Variants in TSNARE1 observed in about 807,000 individuals in gnomAD.
TSNARE1 encodes t-SNARE domain-containing protein 1.
Under a neutral mutation model 62.0 loss-of-function variants are expected in TSNARE1, and 49 were observed. The ratio of observed to expected loss-of-function variants is 0.79; its 90% CI spans 0.63 to 1.00. The LOEUF (loss-of-function observed/expected upper bound fraction) is 1.00. Among genes scored for constraint, TSNARE1 ranks in the 50% least tolerant of loss-of-function variants. TSNARE1 has a pLI of 0.00. For missense variants in TSNARE1, 755 were observed against 700.1 expected, an observed-to-expected ratio of 1.08 and a Z score of -0.88; for synonymous variants, 328 against 294.4, an observed-to-expected ratio of 1.11 and a Z score of -1.17.
At chr8:142,274,982 G>A (rs1820210942) in intron 11 of TSNARE1, 119 bp from the exon 12 acceptor site, 1 of 1,387,046 alleles carries the variant, frequency 7.2e-7, no homozygotes, top group East Asian at 3.0e-5. Flanking sequence ...AGGAGCAGAG[G>A]CTGCAGGGAT....
intron 13 of TSNARE1, among the ~76,000 whole-genome samples, chr8:142,222,086 C>T (rs1816296724): frequency 1.7e-4 from 6 of 35,908 alleles, no homozygotes; most frequent in South Asian, 1.7e-3. Context: ...CTCACTCCTT[C>T]ACTCACTCAT....
At chr8:142,321,599 A>C (rs1339624315) in intron 6 of TSNARE1, among the ~76,000 whole-genome samples, 1 of 152,242 alleles carries the variant, frequency 6.6e-6, no homozygotes, top group Non-Finnish European at 1.5e-5. Context: ...CACACTTGCA[A>C]ATTACCAAGA....
intron 7 of TSNARE1, among the ~76,000 whole-genome samples, chr8:142,316,098 G>A (rs778899710): frequency 6.6e-6 from 1 of 152,020 alleles, no homozygotes; most frequent in Admixed American, 6.6e-5. Flanking sequence ...CGTAAGCGCA[G>A]CGCCTCCCGT....
At chr8:142,321,097 G>A (rs116014984) in intron 6 of TSNARE1, among the ~76,000 whole-genome samples, 84 of 152,262 alleles carry the variant, frequency 5.5e-4, no homozygotes, top group African/African-American at 1.7e-3. Context: ...CGTGGGAACA[G>A]GAGGTTGCCA....
intron 11 of TSNARE1, chr8:142,279,959 C>T (rs28653024): frequency 0.2 from 222,621 of 1,106,792 alleles, 23,737 homozygotes; most frequent in African/African-American, 0.36. Context: ...AGGCCGGGGG[C>T]GGGGCCGCCC....
At chr8:142,334,732 A>C (rs1305676435) in intron 4 of TSNARE1, among the ~76,000 whole-genome samples, 1 of 152,198 alleles carries the variant, frequency 6.6e-6, no homozygotes, top group Non-Finnish European at 1.5e-5. Flanking sequence ...AGGAAGAAAA[A>C]ACATAAGAAG....
chr8:142,391,206 C>T lies in TSNARE1; in HGVS notation c.-40+11898G>A, dbSNP rs945923802. Among the ~76,000 whole-genome samples the T allele has an allele frequency of 4.3e-4, 63 of 144,918 alleles. 1 individual carries two copies. The highest frequency in any genetic ancestry group is 3.2e-4 in the Non-Finnish European group (21 of 66,446). On this transcript the variant is annotated intron_variant, in intron 1 of 13. Transcript: ENST00000524325. ...ACACTGCTGGGGACTCTGTAACAGACGCTGTACACTGCAGGGGACTCTATA... is the reference window on the plus strand; with the variant it reads ...ACACTGCTGGGGACTCTGTAACAGATGCTGTACACTGCAGGGGACTCTATA...
At chr8:142,395,113 GAGCGGCCTAAAGGTGAGGCTC>G (rs992448152) in intron 1 of TSNARE1, among the ~76,000 whole-genome samples, 1 of 152,104 alleles carries the variant, frequency 6.6e-6, no homozygotes, top group Admixed American at 6.5e-5. Flanking sequence ...ATCAAAGGCT[GAGCGGCCTAAAGGTGAGGCTC>G]AGCTCCTCCC....
chr8:142,215,276 G>A (rs1815777818), intron 13 of TSNARE1, among the ~76,000 whole-genome samples: 1 of 152,216 alleles, frequency 6.6e-6, no homozygotes, highest in Non-Finnish European at 1.5e-5. Context: ...CCACTTCCTA[G>A]CTGCCTGGGG....
chr8:142,265,693 A>T (rs2130434273), intron 12 of TSNARE1, among the ~76,000 whole-genome samples: 1 of 152,332 alleles, frequency 6.6e-6, no homozygotes, highest in East Asian at 1.9e-4. Flanking sequence ...GAGTGGCTGT[A>T]ACATTTGACA....
chr8:142,374,893 C>A (rs1488298064), intron 1 of TSNARE1, among the ~76,000 whole-genome samples: 1 of 152,130 alleles, frequency 6.6e-6, no homozygotes, highest in Non-Finnish European at 1.5e-5. Flanking sequence ...CCACACACAT[C>A]CAACTGCTGC....
chr8:142,224,823 CCA>C (rs908897287), intron 13 of TSNARE1, among the ~76,000 whole-genome samples: 1 of 152,130 alleles, frequency 6.6e-6, no homozygotes, highest in South Asian at 2.1e-4. Flanking sequence ...GTTTCATTCA[CCA>C]CAGTCTTGGT....
At chr8:142,298,181 C>T (rs1207239576) in intron 10 of TSNARE1, among the ~76,000 whole-genome samples, 2 of 152,268 alleles carry the variant, frequency 1.3e-5, no homozygotes, top group Non-Finnish European at 2.9e-5. Flanking sequence ...CCCCAGCTTT[C>T]CTCCCGCCCT....
At chr8:142,287,718 G>C (rs1274423924) in intron 10 of TSNARE1, among the ~76,000 whole-genome samples, 1 of 138,028 alleles carries the variant, frequency 7.2e-6, no homozygotes, top group African/African-American at 2.8e-5. Context: ...CAGGACCCCA[G>C]CCAGATCTCA....
At chr8:142,245,455 G>A (rs1817848008) in intron 12 of TSNARE1, among the ~76,000 whole-genome samples, 3 of 152,186 alleles carry the variant, frequency 2.0e-5, no homozygotes. Context: ...TCATGCTAGG[G>A]TCACACAATG....
chr8:142,225,226 G>A (rs951738432), intron 13 of TSNARE1, among the ~76,000 whole-genome samples: 8 of 142,882 alleles, frequency 5.6e-5, no homozygotes, highest in Admixed American at 3.0e-4. Context: ...CCACGGCTTC[G>A]CCTGCCCTTG....
intron 1 of TSNARE1, among the ~76,000 whole-genome samples, chr8:142,391,291 G>A (rs1459297821): frequency 7.3e-6 from 1 of 137,672 alleles, no homozygotes; most frequent in Non-Finnish European, 1.5e-5. Context: ...TGGGGACTCT[G>A]TAACAGACGC....
At chr8:142,212,608 C>G (rs1815603410) in intron 13 of TSNARE1, among the ~76,000 whole-genome samples, 1 of 152,022 alleles carries the variant, frequency 6.6e-6, no homozygotes, top group African/African-American at 2.4e-5. Flanking sequence ...CATCCATGTG[C>G]CCAGGCTGCG....
chr8:142,315,723 C>A (rs1373519581), intron 7 of TSNARE1, among the ~76,000 whole-genome samples: 1 of 152,240 alleles, frequency 6.6e-6, no homozygotes, highest in African/African-American at 2.4e-5. Flanking sequence ...CCACCAGCAG[C>A]AGCACCAAGG....
Sources: gnomAD v4.1 joint callset for allele counts (sites outside exome capture counted in the v4.1 genomes callset) on GRCh38, gnomAD v4.1.1 for gene constraint, MANE v1.5 for transcripts, NCBI Gene and HGNC (gene_info 2026-07-23, HGNC 2026-07-21) for gene names.